Variants in A2ML1 observed in about 807,000 individuals in gnomAD.
A2ML1 encodes the protein alpha-2-macroglobulin like 1.
A neutral mutation model predicts 181.9 loss-of-function variants in A2ML1; 161 were observed. The ratio of observed to expected loss-of-function variants is 0.89; its 90% CI spans 0.78 to 1.01. The LOEUF (loss-of-function observed/expected upper bound fraction) is 1.01, where lower values mean the gene tolerates loss of function less well. Among genes scored for constraint, A2ML1 ranks in the 50% least tolerant of loss-of-function variants. The pLI is 0.00. For synonymous variants in A2ML1, 663 were observed against 666.8 expected (o/e 0.99, Z 0.09); for missense variants, 1,670 against 1,768.1 (o/e 0.94, Z 1.00).
intron 33 of A2ML1, among the ~76,000 whole-genome samples, chr12:8,870,214 T>G (rs1416653467): frequency 1.3e-5 from 2 of 152,122 alleles, no homozygotes; most frequent in Non-Finnish European, 2.9e-5. Context: ...TAACTGTGTT[T>G]CCTGTCTTCC....
At chr12:8,854,304 C>T (rs1392368410) in intron 21 of A2ML1, 55 bp downstream of exon 21, 19 of 1,526,088 alleles carry the variant, frequency 1.2e-5, no homozygotes, top group South Asian at 1.1e-4. Context: ...CTCAGCATCT[C>T]GTCTTGCTGT....
chr12:8,840,338 C>A (rs1174513802), intron 10 of A2ML1, among the ~76,000 whole-genome samples: 4 of 143,448 alleles, frequency 2.8e-5, no homozygotes, highest in Non-Finnish European at 6.0e-5. Context: ...CCAGCCTGGG[C>A]GATAGAGCGA....
intron 26 of A2ML1, among the ~76,000 whole-genome samples, chr12:8,859,334 G>T (rs1019209947): frequency 2.6e-5 from 4 of 152,010 alleles, no homozygotes; most frequent in African/African-American, 7.3e-5. Flanking sequence ...GTCTTCCTCT[G>T]CAGGATCTTA....
At chr12:8,834,750 C>T (rs1428091406) in intron 5 of A2ML1, 68 bp downstream of exon 5, 1 of 1,592,548 alleles carries the variant, frequency 6.3e-7, no homozygotes, top group Admixed American at 1.7e-5. Context: ...TGGTGGTACA[C>T]CTTGAAGACA....
chr12:8,843,739 G>A (rs1160628302), intron 12 of A2ML1, among the ~76,000 whole-genome samples: 1 of 131,742 alleles, frequency 7.6e-6, no homozygotes, highest in African/African-American at 2.8e-5. Context: ...TTTTTTTTGA[G>A]ACACAGTCTC....
chr12:8,852,434 C>G lies in A2ML1; in HGVS notation c.2590+98C>G. ...TCCTCTGCCACATCTGCTTTGCTTCCTCCTCCATTTTCCACTATTTTTCTC... is the reference window on the plus strand; with the variant it reads ...TCCTCTGCCACATCTGCTTTGCTTCGTCCTCCATTTTCCACTATTTTTCTC... On this transcript the variant is annotated intron_variant, in intron 20 of 35. Transcript: ENST00000299698. The surrounding 1 kb of genome is among the most constrained non-coding windows in gnomAD (Gnocchi z 4.2). 6.5e-7 allele frequency: 1 copy of G among 1,534,754 alleles called. No homozygotes were observed. Among genetic ancestry groups the G allele is most frequent in the South Asian group, 1.2e-5 (1 of 80,528 alleles).
intron 12 of A2ML1, chr12:8,845,019 C>T (rs1016447462): frequency 1.8e-5 from 25 of 1,426,980 alleles, no homozygotes; most frequent in Middle Eastern, 5.1e-4. Context: ...CAGAAGGGCT[C>T]AGGGTGGTTT....
rs550614926 is a variant in A2ML1 at position 8,882,875 on chromosome 12, G to A, written c.*94+2259G>A. Among the ~76,000 whole-genome samples the A allele has an allele frequency of 5.3e-5, 8 of 152,262 alleles. No individual in the cohort carries two copies. The Middle Eastern group carries it at 0.01, about 194-fold the overall frequency. On this transcript the variant is annotated intron_variant and NMD_transcript_variant, in intron 7 of 7. Transcript: ENST00000537475. ...CCCTTCAGGGGCTGTTAGGGGTAAA[G>A]TTCTATTCCTGTTCATGGCATAGCA...
At chr12:8,867,710 G>A (rs1014907368) in intron 29 of A2ML1, 132 bp from the exon 30 acceptor site, 6 of 743,880 alleles carry the variant, frequency 8.1e-6, no homozygotes, top group Non-Finnish European at 1.3e-5. Flanking sequence ...GGTGGGTATA[G>A]TTCTCTAAAT....
intron 18 of A2ML1, among the ~76,000 whole-genome samples, chr12:8,850,559 C>T (rs897334980): frequency 3.3e-5 from 5 of 151,800 alleles, no homozygotes; most frequent in African/African-American, 1.2e-4. Context: ...GGTGACAGAG[C>T]AAAACCCTTC....
Position 8,858,111 on chromosome 12 carries a change from C to G in A2ML1, c.3264+9C>G. The G allele has an allele frequency of 6.2e-7, 1 of 1,613,652 alleles. No individual in the cohort carries two copies. On this transcript the variant is annotated intron_variant, in intron 26 of 35. Coordinates refer to ENST00000299698, the MANE Select transcript of A2ML1 (RefSeq NM_144670.6). ...TTCACACAGCTATGAAGGTGCGGAT[C>G]TGTCCAGGAGCCTGCAGCCAACCAC...
At chr12:8,829,684 C>T (rs955383182) in intron 3 of A2ML1, 43 bp from the exon 4 acceptor site, 3 of 1,550,866 alleles carry the variant, frequency 1.9e-6, no homozygotes, top group Non-Finnish European at 2.6e-6. Flanking sequence ...AAATTCTGAG[C>T]CAGGAAACAT....
intron 4 of A2ML1, among the ~76,000 whole-genome samples, chr12:8,830,290 G>A (rs1454955888): frequency 6.6e-6 from 1 of 152,000 alleles, no homozygotes; most frequent in Non-Finnish European, 1.5e-5. Context: ...GACCTCAAGT[G>A]TTCCACCCAC....
At chr12:8,855,643 G>A (rs751170752) in intron 23 of A2ML1, 51 bp downstream of exon 23, 2 of 1,581,312 alleles carry the variant, frequency 1.3e-6, no homozygotes. Flanking sequence ...AATGGAGGCT[G>A]CAAAGGTGTG....
At chr12:8,839,564 C>T (rs1435686810) in intron 10 of A2ML1, among the ~76,000 whole-genome samples, 3 of 152,050 alleles carry the variant, frequency 2.0e-5, no homozygotes, top group African/African-American at 7.2e-5. Flanking sequence ...TTAATGACAC[C>T]TTAGGGGTCT....
intron 12 of A2ML1, chr12:8,844,905 A>G: frequency 9.4e-7 from 1 of 1,061,234 alleles, no homozygotes; most frequent in African/African-American, 1.6e-5. Context: ...GGAGCGTGGG[A>G]TGAGAGCCTG....
downstream of A2ML1, among the ~76,000 whole-genome samples, chr12:8,879,694 T>C (rs1361958667): frequency 6.6e-6 from 1 of 152,174 alleles, no homozygotes; most frequent in Non-Finnish European, 1.5e-5. Flanking sequence ...TCTTGTATCT[T>C]TGGGATTTCA....
Position 8,823,388 on chromosome 12 carries a change from C to T in A2ML1, c.246+23C>T, listed in dbSNP as rs1232801607. 10 of 1,599,604 alleles carry T rather than the reference C, an allele frequency of 6.3e-6. No homozygotes were observed. In the African/African-American group the frequency reaches 6.7e-5, roughly 11 times the overall value. ...CTTGTAAGCACAGACTCAGCCCTCA[C>T]TCGAATCCCTTACTTGCCTATTCTC... On this transcript the variant is annotated intron_variant, in intron 2 of 35. Transcript: ENST00000299698.
intron 20 of A2ML1, 143 bp from the exon 21 acceptor site, chr12:8,853,985 G>T (rs1292077439): frequency 5.5e-6 from 6 of 1,091,402 alleles, no homozygotes; most frequent in Admixed American, 7.2e-5. Flanking sequence ...CAGAATATGG[G>T]CCCCACCCCA....
Sources: gnomAD v4.1 joint callset for allele counts (sites outside exome capture counted in the v4.1 genomes callset) on GRCh38, gnomAD v4.1.1 for gene constraint, Gnocchi (gnomAD v3.1) non-coding constraint, MANE v1.5 for transcripts, NCBI Gene and HGNC (gene_info 2026-07-23, HGNC 2026-07-21) for gene names.